The following AK7 variants were observed in gnomAD, a reference collection of about 807,000 sequenced individuals.
AK7 encodes ATP-AMP transphosphorylase 7.
A neutral mutation model predicts 96.6 loss-of-function variants in AK7; 78 were observed. The observed-to-expected ratio is 0.81, with a 90% CI of 0.67 to 0.97. The LOEUF is 0.97. Among genes scored for constraint, AK7 ranks in the 50% least tolerant of loss-of-function variants. AK7 has a pLI of 0.00. For synonymous variants in AK7, 302 were observed against 317.2 expected, an observed-to-expected ratio of 0.95 and a Z score of 0.51; for missense variants, 855 against 887.9, an observed-to-expected ratio of 0.96 and a Z score of 0.47.
At chr14:96,419,402 G>C (rs889941937) in intron 4 of AK7, among the ~76,000 whole-genome samples, 1 of 152,202 alleles carries the variant, frequency 6.6e-6, no homozygotes, top group East Asian at 1.9e-4. Context: ...GGCCAAGGAG[G>C]GGGGATTGCT....
intron 2 of AK7, among the ~76,000 whole-genome samples, chr14:96,403,007 C>T (rs1342427701): frequency 6.6e-6 from 1 of 151,872 alleles, no homozygotes; most frequent in East Asian, 1.9e-4. Flanking sequence ...CCCAGCTACT[C>T]GGGAGGCTGA....
intron 7 of AK7, 124 bp downstream of exon 7, chr14:96,442,942 G>C (rs895262476): frequency 1.3e-5 from 11 of 843,358 alleles, no homozygotes; most frequent in South Asian, 6.2e-5. Flanking sequence ...TTCATTCTTC[G>C]TAACAACCCT....
chr14:96,479,496 C>T (rs1595466232), intron 15 of AK7, among the ~76,000 whole-genome samples: 1 of 151,744 alleles, frequency 6.6e-6, no homozygotes, highest in East Asian at 1.9e-4. Context: ...GGCACTGGTG[C>T]TCTTCCAGAC....
intron 15 of AK7, among the ~76,000 whole-genome samples, chr14:96,480,169 C>T (rs369702715): frequency 5.3e-5 from 8 of 152,262 alleles, no homozygotes; most frequent in South Asian, 4.1e-4. Context: ...CAGTGCCTCA[C>T]GCCTGTAATC....
intron 12 of AK7, among the ~76,000 whole-genome samples, chr14:96,459,402 G>T (rs1052098358): frequency 1.2e-4 from 19 of 152,076 alleles, no homozygotes; most frequent in African/African-American, 3.9e-4. Flanking sequence ...GGCAGAGGTT[G>T]CAGTGAGCCA....
chr14:96,468,549 G>A (rs1375384982), intron 12 of AK7, among the ~76,000 whole-genome samples: 2 of 150,990 alleles, frequency 1.3e-5, no homozygotes, highest in East Asian at 3.9e-4. Context: ...CACCTGCCTC[G>A]GGCTCCCAAA....
intron 2 of AK7, among the ~76,000 whole-genome samples, chr14:96,402,190 C>CAT (rs1890451711): frequency 9.6e-6 from 1 of 104,668 alleles, no homozygotes; most frequent in Admixed American, 9.4e-5. Context: ...CAGATGCACA[C>CAT]ACACACACAC....
intron 2 of AK7, among the ~76,000 whole-genome samples, chr14:96,402,837 T>C (rs1230113545): frequency 1.3e-5 from 2 of 150,926 alleles, no homozygotes; most frequent in South Asian, 2.1e-4. Flanking sequence ...TCCAATTAAA[T>C]GGAGGTCATC....
At chr14:96,398,506 C>G (rs1890219781) in intron 2 of AK7, 1 of 526,580 alleles carries the variant, frequency 1.9e-6, no homozygotes, top group African/African-American at 1.9e-5. Flanking sequence ...GTTGGACTTT[C>G]AGACTCATAC....
rs745873941 is a variant in AK7, at chr14:96,449,844, C to T, written c.913C>T (p.Pro305Ser). Reference sequence around the variant, plus strand: ...TGGCCCTGGGAAAATCCAGAAAATACCCAGAGAAAATGCATACCTAACCAA... The same window carrying T: ...TGGCCCTGGGAAAATCCAGAAAATATCCAGAGAAAATGCATACCTAACCAA... ...NTGPGKIQKI[P>S]RENAYLTKDL... The change falls in exon 9 of 18, where the codon CCC becomes TCC. Residue 305 changes from proline (P) to serine (S), a missense_variant. Transcript: ENST00000267584. 1 of 1,611,056 alleles carries T rather than the reference C, an allele frequency of 6.2e-7. No individual in the cohort carries two copies. The highest frequency in any genetic ancestry group is 8.5e-7 in the Non-Finnish European group (1 of 1,178,632).
At chr14:96,406,859 T>G (rs1890740982) in intron 3 of AK7, among the ~76,000 whole-genome samples, 1 of 152,108 alleles carries the variant, frequency 6.6e-6, no homozygotes, top group Non-Finnish European at 1.5e-5. Context: ...AAAAATTTTT[T>G]GTAGAGACAA....
At chr14:96,454,743 A>G (rs1893798901) in intron 10 of AK7, among the ~76,000 whole-genome samples, 1 of 151,416 alleles carries the variant, frequency 6.6e-6, no homozygotes, top group Non-Finnish European at 1.5e-5. Context: ...GGGGGACCTC[A>G]CTATATTGCT....
chr14:96,398,731 T>C (rs1431425001), intron 2 of AK7: 1 of 170,082 alleles, frequency 5.9e-6, no homozygotes, highest in Non-Finnish European at 1.3e-5. Flanking sequence ...TTTATGAAAA[T>C]AATTTTTTAA....
At position 96,406,005 on chromosome 14, in the gene AK7, G is replaced by A. The variant is rs191936193; in HGVS notation, c.403+1140G>A. Reference sequence around the variant, plus strand: ...GACCTCAAGTCTAAGAGAATGAAGTGCTGTTTAGTAAGATGGTGCCTTTGT... The same window carrying A: ...GACCTCAAGTCTAAGAGAATGAAGTACTGTTTAGTAAGATGGTGCCTTTGT... On this transcript the variant is annotated intron_variant, in intron 3 of 17. Coordinates refer to ENST00000267584, the MANE Select transcript of AK7 (RefSeq NM_152327.5). Among the ~76,000 whole-genome samples the A allele has an allele frequency of 1.4e-3, 220 of 151,838 alleles. 2 individuals are homozygous for A. The highest frequency in any genetic ancestry group is 2.5e-3 in the Non-Finnish European group (168 of 67,990).
rs1354958596 is a variant in AK7, at chr14:96,399,666, A to C, written c.294+1403A>C. Among the ~76,000 whole-genome samples the C allele has an allele frequency of 6.6e-6, 1 of 152,212 alleles. No homozygotes were observed. The highest frequency in any genetic ancestry group is 6.5e-5 in the Admixed American group (1 of 15,282). On this transcript the variant is annotated intron_variant, in intron 2 of 17. Transcript: ENST00000267584. The surrounding 1 kb of genome is among the most constrained non-coding windows in gnomAD (Gnocchi z 4.1). Reference sequence around the variant, plus strand: ...CAGTCCCCTGACTCCCGAGGGGCTTAGCTCACCTGGCTTCACAGCAGCAGC... The same window carrying C: ...CAGTCCCCTGACTCCCGAGGGGCTTCGCTCACCTGGCTTCACAGCAGCAGC...
At chr14:96,428,379 T>G (rs1892154415) in intron 5 of AK7, among the ~76,000 whole-genome samples, 1 of 152,160 alleles carries the variant, frequency 6.6e-6, no homozygotes, top group African/African-American at 2.4e-5. Flanking sequence ...GACATTTGAG[T>G]TGGTTCCGAG....
chr14:96,458,756 A>T (rs1894082159), intron 12 of AK7, among the ~76,000 whole-genome samples: 1 of 151,112 alleles, frequency 6.6e-6, no homozygotes, highest in Admixed American at 6.6e-5. Flanking sequence ...AAAAAAAAAA[A>T]AAAAATTAGC....
Position 96,458,198 on chromosome 14 carries a change from T to C in AK7, c.1343T>C (p.Met448Thr), listed in dbSNP as rs757895476. Residue 448 changes from methionine (M) to threonine (T), a missense_variant, in exon 12 of 18, where the codon ATG becomes ACG. By Grantham distance (81) the Met-to-Thr change is moderately conservative. Transcript: ENST00000267584. ...CTCCTAGATGGCATCAAGGAGAGCA[T>C]GGAGCAGAATGCAGGTAACACACAC... Reference protein sequence around the residue: ...QELLDGIKESMEQNAGQLDDQ... With the variant: ...QELLDGIKESTEQNAGQLDDQ... 6.2e-7 allele frequency: 1 copy of C among 1,613,790 alleles called. No individual in the cohort carries two copies. The highest frequency in any genetic ancestry group is 8.5e-7 in the Non-Finnish European group (1 of 1,179,828).
At chr14:96,459,481 T>C (rs1456554931) in intron 12 of AK7, among the ~76,000 whole-genome samples, 1 of 151,982 alleles carries the variant, frequency 6.6e-6, no homozygotes, top group Non-Finnish European at 1.5e-5. Context: ...AGAAAAAATA[T>C]TGCCACTGAT....
Sources: gnomAD v4.1 joint callset for allele counts (sites outside exome capture counted in the v4.1 genomes callset) on GRCh38, gnomAD v4.1.1 for gene constraint, Gnocchi (gnomAD v3.1) non-coding constraint, MANE v1.5 for transcripts, NCBI Gene and HGNC (gene_info 2026-07-23, HGNC 2026-07-21) for gene names.